SMARCD1: variants seen among roughly 807,000 people sequenced by gnomAD.
The protein encoded by SMARCD1 is SWI/SNF related BAF chromatin remodeling complex subunit D1, also known as SWI/SNF-related matrix-associated actin-dependent regulator of chromatin subfamily D member 1.
Under a neutral mutation model 70.8 loss-of-function variants are expected in SMARCD1, and 16 were observed. The observed-to-expected ratio is 0.23, with a 90% CI of 0.15 to 0.34. The LOEUF (loss-of-function observed/expected upper bound fraction) is 0.34. SMARCD1 is among the 10% of genes least tolerant of loss of function. The pLI is 1.00. For synonymous variants in SMARCD1, 249 were observed against 246.0 expected, an observed-to-expected ratio of 1.01 and a Z score of -0.11; for missense variants, 409 against 655.5, an observed-to-expected ratio of 0.62 and a Z score of 4.11.
rs747840096 is a variant in SMARCD1 at position 50,094,400 on chromosome 12, C to G, written c.1134-37C>G. ...CCCTGTGTAATTAGGTCTTAGGGGACAAGCTCTTTACCAGGCTCCTTTGGT... is the reference window on the plus strand; with the variant it reads ...CCCTGTGTAATTAGGTCTTAGGGGAGAAGCTCTTTACCAGGCTCCTTTGGT... On this transcript the variant is annotated intron_variant, in intron 9 of 12. Coordinates refer to ENST00000394963, the MANE Select transcript of SMARCD1 (RefSeq NM_003076.5). 8.1e-6 allele frequency: 13 copies of G among 1,604,442 alleles called. No homozygotes were observed. The African/African-American group carries it at 1.6e-4, about 20-fold the overall frequency.
chr12:50,096,799 C>T (rs1472417873), intron 10 of SMARCD1, 51 bp from the exon 11 acceptor site: 3 of 1,567,644 alleles, frequency 1.9e-6, no homozygotes, highest in Non-Finnish European at 2.6e-6. Flanking sequence ...TGCCATTTAA[C>T]TTCTCATTTT....
At chr12:50,090,142 C>T (rs546848820) in intron 7 of SMARCD1, 99 bp from the exon 8 acceptor site, 285 of 1,382,934 alleles carry the variant, frequency 2.1e-4, no homozygotes, top group Non-Finnish European at 2.6e-4. Flanking sequence ...TTTTTCTGTC[C>T]CAGAAAAAGC....
chr12:50,098,654 G>T (rs1592295771), intron 11 of SMARCD1, 60 bp from the exon 12 acceptor site: 1 of 1,363,548 alleles, frequency 7.3e-7, no homozygotes, highest in East Asian at 2.3e-5. Flanking sequence ...TGGGTGTGAA[G>T]GAAGGAAACA....
rs1006653598 is a variant in SMARCD1, at chr12:50,086,095, C to G, written c.178-66C>G. On this transcript the variant is annotated intron_variant, in intron 1 of 12. Transcript: ENST00000394963. ...ATTCAAAGATCTCAGGCGTTCCCTG[C>G]TTTTCTTTCTTGATGGGGTTTAGCA... 19 of 1,261,436 alleles carry G rather than the reference C, an allele frequency of 1.5e-5. No individual in the cohort carries two copies. In the Middle Eastern group the frequency reaches 6.0e-4, roughly 40 times the overall value. 78.1% of individuals were successfully genotyped at this position (1,261,436 alleles called of 1,614,324 possible).
intron 9 of SMARCD1, among the ~76,000 whole-genome samples, chr12:50,093,060 C>T (rs1950861010): frequency 6.6e-6 from 1 of 151,828 alleles, no homozygotes; most frequent in Non-Finnish European, 1.5e-5. Flanking sequence ...CCTGTAGTCC[C>T]AGCTACTTGG....
intron 10 of SMARCD1, among the ~76,000 whole-genome samples, chr12:50,095,177 A>AT (rs1378201515): frequency 6.6e-6 from 1 of 152,262 alleles, no homozygotes; most frequent in Non-Finnish European, 1.5e-5. Flanking sequence ...TATCTGGCAC[A>AT]TAAAAACAAC....
At chr12:50,086,381 AGGG>A in intron 2 of SMARCD1, 33 bp downstream of exon 2, 2 of 662,132 alleles carry the variant, frequency 3.0e-6, no homozygotes, top group Non-Finnish European at 5.6e-6. Context: ...GGAGGGAGGG[AGGG>A]AGCCTGGGAG....
intron 9 of SMARCD1, among the ~76,000 whole-genome samples, chr12:50,093,651 G>C (rs1430370242): frequency 6.6e-6 from 1 of 151,656 alleles, no homozygotes; most frequent in Admixed American, 6.6e-5. Context: ...CCCAGGAATT[G>C]TTTTGAAATT....
rs1950931242 is a variant in SMARCD1, at chr12:50,100,466, G to A, written c.*1466G>A. 6.6e-6 allele frequency: 1 copy of A among 152,650 alleles called. No homozygotes were observed. The highest frequency in any genetic ancestry group is 1.5e-5 in the Non-Finnish European group (1 of 68,064). 9.5% of individuals were successfully genotyped at this position (152,650 alleles called of 1,614,324 possible). A position where few individuals can be genotyped will look rare whatever the true frequency, so the allele number is the denominator to read the frequency against. On this transcript the variant is annotated 3_prime_UTR_variant, in exon 13 of 13. Coordinates refer to ENST00000394963, the MANE Select transcript of SMARCD1 (RefSeq NM_003076.5). ...AAGGTTGACACTGGACAACCTTGGGGCAGCTGAGCCCTGGCCGCCTCCTGG... is the reference window on the plus strand; with the variant it reads ...AAGGTTGACACTGGACAACCTTGGGACAGCTGAGCCCTGGCCGCCTCCTGG...
intron 5 of SMARCD1, 98 bp from the exon 6 acceptor site, chr12:50,088,423 T>G (rs944002867): frequency 2.8e-6 from 2 of 726,490 alleles, no homozygotes; most frequent in Non-Finnish European, 4.9e-6. Context: ...TTTTTTGAGT[T>G]TTTTTCCATT....
intron 2 of SMARCD1, 78 bp downstream of exon 2, chr12:50,086,426 A>G: frequency 1.5e-6 from 2 of 1,340,500 alleles, no homozygotes; most frequent in East Asian, 4.9e-5. Flanking sequence ...TGAACCAAGA[A>G]GTGGTGGTGC....
chr12:50,100,008 T>C lies in SMARCD1; in HGVS notation c.*1008T>C, dbSNP rs1299550409. The C allele has an allele frequency of 1.3e-5, 2 of 152,664 alleles. No homozygotes were observed. Among genetic ancestry groups the C allele is most frequent in the Admixed American group, 6.5e-5 (1 of 15,284 alleles). 9.5% of individuals were successfully genotyped at this position (152,664 alleles called of 1,614,324 possible). Reference sequence around the variant, plus strand: ...AGTGAAAGCGCCTAGGGCTGGAGAATAGCGCTGAGTTGGGTTTGTGACTCT... The same window carrying C: ...AGTGAAAGCGCCTAGGGCTGGAGAACAGCGCTGAGTTGGGTTTGTGACTCT... On this transcript the variant is annotated 3_prime_UTR_variant, in exon 13 of 13. Transcript: ENST00000394963.
rs777005085 is a variant in SMARCD1 at position 50,086,242 on chromosome 12, G to C, written c.259G>C (p.Val87Leu). The change falls in exon 2 of 13, where the codon GTC (valine) becomes CTC (leucine). Residue 87 changes from valine (V) to leucine (L), a missense_variant. Physicochemically the swap from Val to Leu is conservative, Grantham distance 32. This residue lies in a region of SMARCD1 where 140 missense variants were observed against 156.9 expected (regional missense o/e 0.89). Transcript: ENST00000394963. Reference protein sequence around the residue: ...GPPGYGGNPSVRPGLAQSGMD... With the variant: ...GPPGYGGNPSLRPGLAQSGMD... ...CCCTGGCTATGGGGGGAACCCTTCA[G>C]TCCGACCTGGCCTGGCCCAGTCAGG... 5 of 1,613,228 alleles carry C rather than the reference G, an allele frequency of 3.1e-6. No individual in the cohort carries two copies. Among genetic ancestry groups the C allele is most frequent in the Non-Finnish European group, 4.2e-6 (5 of 1,179,410 alleles).
At position 50,086,217 on chromosome 12, in the gene SMARCD1, C is replaced by T. The variant is rs1373495215; in HGVS notation, c.234C>T (p.Pro78=). 2 of 1,608,272 alleles carry T rather than the reference C, an allele frequency of 1.2e-6. No individual in the cohort carries two copies. The highest frequency in any genetic ancestry group is 8.5e-7 in the Non-Finnish European group (1 of 1,176,562). Residue 78 remains proline, a synonymous_variant, in exon 2 of 13, where the codon CCC becomes CCT. Coordinates refer to ENST00000394963, the MANE Select transcript of SMARCD1 (RefSeq NM_003076.5). ...CACCTCAGGGACCTTCCATGGGACC[C>T]CCTGGCTATGGGGGGAACCCTTCAG... is the stretch of plus-strand genomic sequence containing the variant. ...RMTPQGPSMG[P]PGYGGNPSVR...
rs116848003 is a variant in SMARCD1 at position 50,095,238 on chromosome 12, C to T, written c.1269+666C>T. Among the ~76,000 whole-genome samples, 386 of 152,310 alleles carry T rather than the reference C, an allele frequency of 2.5e-3. 4 individuals are homozygous for T. The highest frequency in any genetic ancestry group is 0.013 in the East Asian group (69 of 5,194). On this transcript the variant is annotated intron_variant, in intron 10 of 12. Transcript: ENST00000394963. ...TGTTATCTGGGTTGTTATTACTAGA[C>T]GCAGTCCTTGCAAATAAAGCCAAAA...
intron 2 of SMARCD1, 115 bp downstream of exon 2, chr12:50,086,463 T>A (rs1025524283): frequency 3.3e-6 from 2 of 614,058 alleles, no homozygotes; most frequent in Non-Finnish European, 4.5e-6. Context: ...GCTACAGAAC[T>A]CATCCTTGAG....
In SMARCD1 at chr12:50,087,386, C is replaced by T; in HGVS notation, c.555C>T (p.Phe185=). Residue 185 remains phenylalanine (F), a synonymous_variant, in exon 5 of 13, where the codon TTC becomes TTT. Transcript: ENST00000394963. Reference sequence around the variant, plus strand: ...AGCAAAAACGGAAGCTGCGAATTTTCATTTCTAACACTTTCAATCCGGCTA... The same window carrying T: ...AGCAAAAACGGAAGCTGCGAATTTTTATTTCTAACACTTTCAATCCGGCTA... ...PIKQKRKLRI[F]ISNTFNPAKS... 6.2e-7 allele frequency: 1 copy of T among 1,614,080 alleles called. No individual in the cohort carries two copies. The highest frequency in any genetic ancestry group is 8.5e-7 in the Non-Finnish European group (1 of 1,179,964).
rs1162225623 is a variant in SMARCD1, at chr12:50,099,014, G to A, written c.*14G>A. ...CGGAATACATAGGGCCTCTCCCACA[G>A]CCCTGATTCGACTGCACCAATTCTT... On this transcript the variant is annotated 3_prime_UTR_variant, in exon 13 of 13. Coordinates refer to ENST00000394963, the MANE Select transcript of SMARCD1 (RefSeq NM_003076.5). The A allele has an allele frequency of 6.2e-7, 1 of 1,613,084 alleles. No homozygotes were observed. The highest frequency in any genetic ancestry group is 1.7e-5 in the Admixed American group (1 of 60,014).
At chr12:50,090,799 A>G (rs909053869) in intron 9 of SMARCD1, among the ~76,000 whole-genome samples, 5 of 141,754 alleles carry the variant, frequency 3.5e-5, no homozygotes, top group Non-Finnish European at 6.2e-5. Context: ...CTTCCTAATT[A>G]TTACATTTTA....
Sources: allele counts gnomAD v4.1 joint callset (sites outside exome capture counted in the v4.1 genomes callset), GRCh38; gene constraint gnomAD v4.1.1; regional missense constraint gnomAD v4.1.1; transcripts MANE v1.5; gene names NCBI Gene and HGNC (gene_info 2026-07-23, HGNC 2026-07-21).